The following NRXN3 variants were observed in gnomAD, a reference collection of about 807,000 sequenced individuals.
NRXN3 encodes neurexin 3, also known as neurexin III.
NRXN3 carries 32 observed loss-of-function variants against 137.6 expected under a neutral mutation model. The observed-to-expected ratio is 0.23, with a 90% CI of 0.18 to 0.31. The LOEUF is 0.31. Among genes scored for constraint, NRXN3 ranks in the 10% least tolerant of loss-of-function variants. The probability of loss-of-function intolerance (pLI) is 1.00; values close to 1 mark genes in which losing one functional copy is unlikely to be tolerated. For synonymous variants in NRXN3, 798 were observed against 784.5 expected (o/e 1.02, Z -0.29); for missense variants, 1,574 against 2,062.5 (o/e 0.76, Z 4.59).
intron 10 of NRXN3, among the ~76,000 whole-genome samples, chr14:78,827,270 CG>C (rs1955065560): frequency 1.9e-5 from 1 of 51,596 alleles, no homozygotes; most frequent in East Asian, 5.0e-4. Context: ...CTGAGAGGAC[CG>C]AAAAAAAAAA....
chr14:78,425,136 T>A (rs904089627), intron 4 of NRXN3, among the ~76,000 whole-genome samples: 1 of 152,230 alleles, frequency 6.6e-6, no homozygotes. Flanking sequence ...CAGTATCCAA[T>A]GTACTCAAGA....
chr14:78,462,056 C>T (rs577729060), intron 4 of NRXN3, among the ~76,000 whole-genome samples: 3 of 152,300 alleles, frequency 2.0e-5, no homozygotes, highest in Middle Eastern at 3.4e-3. Context: ...TCCCCATGGG[C>T]TTGAATGAGA....
chr14:79,257,396 G>A (rs2076765303), intron 15 of NRXN3, among the ~76,000 whole-genome samples: 2 of 110,472 alleles, frequency 1.8e-5, no homozygotes, highest in Admixed American at 9.8e-5. Context: ...TGATGGTGGT[G>A]GTGGTGGTGG....
intron 8 of NRXN3, among the ~76,000 whole-genome samples, chr14:78,796,624 T>C (rs1167338736): frequency 2.0e-5 from 3 of 152,154 alleles, no homozygotes; most frequent in Admixed American, 2.0e-4. Context: ...CCTCTGGGGA[T>C]CACACTTATC....
chr14:79,349,815 T>A (rs975059773), intron 15 of NRXN3, among the ~76,000 whole-genome samples: 1 of 152,002 alleles, frequency 6.6e-6, no homozygotes, highest in Non-Finnish European at 1.5e-5. Context: ...CAGACATACA[T>A]AGAAAGAAGA....
At chr14:79,309,152 A>G (rs1391977957) in intron 15 of NRXN3, among the ~76,000 whole-genome samples, 1 of 64,782 alleles carries the variant, frequency 1.5e-5, no homozygotes, top group African/African-American at 6.4e-5. Context: ...TCATTGTTCA[A>G]TTCCCACCTA....
chr14:79,487,892 C>T (rs1472718760), intron 16 of NRXN3, among the ~76,000 whole-genome samples: 1 of 152,124 alleles, frequency 6.6e-6, no homozygotes, highest in East Asian at 1.9e-4. Flanking sequence ...CATGTTAGCT[C>T]TGATTTTGGG....
At chr14:79,087,645 G>A (rs759381058) in intron 15 of NRXN3, among the ~76,000 whole-genome samples, 4 of 152,098 alleles carry the variant, frequency 2.6e-5, no homozygotes, top group Non-Finnish European at 5.9e-5. Context: ...GAAGAGTAAA[G>A]CAGAAAATAT....
intron 3 of NRXN3, among the ~76,000 whole-genome samples, chr14:78,294,783 C>T (rs546547591): frequency 1.3e-5 from 2 of 152,278 alleles, no homozygotes; most frequent in African/African-American, 4.8e-5. Flanking sequence ...AACCCCCATG[C>T]ATCACTGTCA....
intron 15 of NRXN3, among the ~76,000 whole-genome samples, chr14:79,077,574 T>C (rs4141948): frequency 0.92 from 139,767 of 152,172 alleles, 65,094 homozygotes; most frequent in Non-Finnish European, 0.99. Flanking sequence ...GTGCTTCATA[T>C]GATCCCTGAA....
intron 10 of NRXN3, among the ~76,000 whole-genome samples, chr14:78,895,968 A>G (rs2099173036): frequency 6.6e-6 from 1 of 151,832 alleles, no homozygotes. Flanking sequence ...CTCATCAAAG[A>G]TCACCATCTC....
intron 16 of NRXN3, among the ~76,000 whole-genome samples, chr14:79,509,857 C>T (rs910805563): frequency 6.6e-6 from 1 of 152,050 alleles, no homozygotes; most frequent in African/African-American, 2.4e-5. Context: ...TTCTCTGCTA[C>T]TCAATGAACT....
chr14:79,207,629 C>T (rs1316226644), intron 15 of NRXN3, among the ~76,000 whole-genome samples: 2 of 151,936 alleles, frequency 1.3e-5, no homozygotes, highest in Non-Finnish European at 2.9e-5. Flanking sequence ...GGAATGTACC[C>T]TCTCTACTTC....
chr14:78,181,894 T>TAAGAAA (rs1476268430), intron 1 of NRXN3, among the ~76,000 whole-genome samples: 1 of 152,122 alleles, frequency 6.6e-6, no homozygotes, highest in Non-Finnish European at 1.5e-5. Flanking sequence ...AGCAGATATT[T>TAAGAAA]ATTAAACACC....
chr14:78,507,056 A>G (rs1387851975), intron 4 of NRXN3, among the ~76,000 whole-genome samples: 2 of 152,120 alleles, frequency 1.3e-5, no homozygotes, highest in Non-Finnish European at 2.9e-5. Context: ...AAAACATTCC[A>G]TAGGCCAAAT....
In NRXN3 at chr14:79,270,075, A is replaced by G. The variant is rs529371027; in HGVS notation, c.3263-197146A>G. ...AAGTAAATTCAGAAGTAAAAAGCAA[A>G]TGGAAAACACTTTTAATGATGTGTC... is the stretch of plus-strand genomic sequence containing the variant. On this transcript the variant is annotated intron_variant, in intron 15 of 20. Coordinates refer to ENST00000335750, the MANE Select transcript of NRXN3 (RefSeq NM_001330195.2). Among the ~76,000 whole-genome samples, 73 of 152,346 alleles carry G rather than the reference A, an allele frequency of 4.8e-4. 1 individual carries two copies. The South Asian group carries it at 0.015, about 31-fold the overall frequency.
Position 78,714,272 on chromosome 14 carries a change from T to C in NRXN3, c.1661-484T>C, listed in dbSNP as rs2098421883. 3.9e-5 allele frequency among the ~76,000 whole-genome samples: 6 copies of C among 152,308 alleles called. No homozygotes were observed. The South Asian group carries it at 1.2e-3, about 32-fold the overall frequency. On this transcript the variant is annotated intron_variant, in intron 7 of 20. Coordinates refer to ENST00000335750, the MANE Select transcript of NRXN3 (RefSeq NM_001330195.2). ...AGGCAAACATATGGAGGCCTCATTC[T>C]GTCTCAGTCACTCTTAAAAGCACTT...
intron 15 of NRXN3, among the ~76,000 whole-genome samples, chr14:79,194,721 T>C (rs8011544): frequency 0.018 from 2,667 of 152,230 alleles, 74 homozygotes; most frequent in African/African-American, 0.061. Context: ...AAGAGACAAA[T>C]GAAATGTGTG....
At chr14:79,712,565 A>AAAAC (rs2098808214) in intron 19 of NRXN3, among the ~76,000 whole-genome samples, 1 of 152,238 alleles carries the variant, frequency 6.6e-6, no homozygotes, top group African/African-American at 2.4e-5. Flanking sequence ...TACCTCTGAC[A>AAAAC]AAACATTATA....
Sources: allele counts gnomAD v4.1 joint callset (sites outside exome capture counted in the v4.1 genomes callset), GRCh38; gene constraint gnomAD v4.1.1; transcripts MANE v1.5; gene names NCBI Gene and HGNC (gene_info 2026-07-23, HGNC 2026-07-21).